Variants in STK11 observed in about 807,000 individuals in gnomAD.
STK11 encodes serine/threonine kinase 11.
In STK11, 8 loss-of-function variants were observed where a neutral mutation model predicts 47.3. That is an observed-to-expected ratio of 0.17 (90% CI 0.10 to 0.31). STK11 has a LOEUF of 0.31. STK11 is among the 10% of genes least tolerant of loss of function. The pLI is 1.00. For synonymous variants in STK11, 330 were observed against 255.8 expected (o/e 1.29, Z -2.77); for missense variants, 475 against 605.0 (o/e 0.79, Z 2.25).
rs1471473295 is a variant in STK11 at position 1,227,925 on chromosome 19, C to G, written c.*349C>G. On this transcript the variant is annotated 3_prime_UTR_variant, in exon 10 of 10. Transcript: ENST00000326873. ...TCGTGCTCCGCAGGGCGCCCAGCGC[C>G]GTCCGGCGGCCCCGCCGCAGACCAG... 2.4e-5 allele frequency: 26 copies of G among 1,070,182 alleles called. No homozygotes were observed. The highest frequency in any genetic ancestry group is 2.9e-5 in the Non-Finnish European group (26 of 882,234). 66.3% of individuals were successfully genotyped at this position (1,070,182 alleles called of 1,614,324 possible).
At chr19:1,207,233 G>T in intron 1 of STK11, 30 bp downstream of exon 1, 1 of 1,571,532 alleles carries the variant, frequency 6.4e-7, no homozygotes, top group Non-Finnish European at 8.6e-7. Context: ...GTCGGGGCCG[G>T]GCCGGGCCAG....
In STK11 at chr19:1,228,012, C is replaced by T. The variant is rs1184267854; in HGVS notation, c.*436C>T. 9.4e-7 allele frequency: 1 copy of T among 1,067,526 alleles called. No individual in the cohort carries two copies. The allele number at this position is 1,067,526 out of a possible 1,614,324, so 66.1% of individuals were successfully genotyped here. A position where few individuals can be genotyped will look rare whatever the true frequency, so the allele number is the denominator to read the frequency against. On this transcript the variant is annotated 3_prime_UTR_variant, in exon 10 of 10. Transcript: ENST00000326873. ...TGCATGCAGCGCCACCTGGAAGCCG[C>T]GCGGCCGCTTTGGTTTTTTGTTTGG...
intron 1 of STK11, among the ~76,000 whole-genome samples, chr19:1,216,590 A>T (rs1228776279): frequency 6.6e-6 from 1 of 151,516 alleles, no homozygotes; most frequent in African/African-American, 2.4e-5. Flanking sequence ...AAAAAAAAAA[A>T]AACAAGAAAT....
intron 1 of STK11, among the ~76,000 whole-genome samples, chr19:1,215,829 C>T (rs753554031): frequency 3.9e-5 from 6 of 152,030 alleles, no homozygotes; most frequent in Non-Finnish European, 5.9e-5. Flanking sequence ...CTCCGCCTCC[C>T]AGGTTCAAGC....
At position 1,206,853 on chromosome 19, in the gene STK11, G is replaced by T. The variant is rs531706339; in HGVS notation, c.-61G>T. On this transcript the variant is annotated 5_prime_UTR_variant, in exon 1 of 10. Coordinates refer to ENST00000326873, the MANE Select transcript of STK11 (RefSeq NM_000455.5). ...TGGAGAAGGGAAGTCGGAACACAAGGAAGGACCGCTCACCCGCGGACTCAG... is the reference window on the plus strand; with the variant it reads ...TGGAGAAGGGAAGTCGGAACACAAGTAAGGACCGCTCACCCGCGGACTCAG... 1 of 1,516,016 alleles carries T rather than the reference G, an allele frequency of 6.6e-7. No homozygotes were observed. Among genetic ancestry groups the T allele is most frequent in the Non-Finnish European group, 8.9e-7 (1 of 1,124,184 alleles). The allele number at this position is 1,516,016 out of a possible 1,614,324, so 93.9% of individuals were successfully genotyped here. A position where few individuals can be genotyped will look rare whatever the true frequency, so the allele number is the denominator to read the frequency against.
intron 1 of STK11, among the ~76,000 whole-genome samples, chr19:1,216,741 G>A (rs1038282885): frequency 2.0e-5 from 3 of 151,432 alleles, no homozygotes; most frequent in Non-Finnish European, 4.4e-5. Flanking sequence ...GGTAGCACAC[G>A]TCTGTAGTCC....
chr19:1,218,136 C>T (rs2145419971), intron 1 of STK11, among the ~76,000 whole-genome samples: 1 of 151,910 alleles, frequency 6.6e-6, no homozygotes, highest in Non-Finnish European at 1.5e-5. Context: ...GAGCAAGACT[C>T]TGTCTCAGAA....
intron 8 of STK11, chr19:1,224,125 G>A: frequency 3.0e-6 from 3 of 990,192 alleles, no homozygotes; most frequent in Non-Finnish European, 3.6e-6. Flanking sequence ...CCTAGGCTCA[G>A]CTCAGTAGCT....
At chr19:1,207,309 A>T in intron 1 of STK11, 106 bp downstream of exon 1, 2 of 1,421,082 alleles carry the variant, frequency 1.4e-6, no homozygotes. Context: ...TCCTCTTAAC[A>T]CCCTGAGCTG....
In STK11 at chr19:1,220,522, G is replaced by T. The variant is rs759464040; in HGVS notation, c.597+17G>T. 6.3e-7 allele frequency: 1 copy of T among 1,591,318 alleles called. No individual in the cohort carries two copies. The highest frequency in any genetic ancestry group is 8.6e-7 in the Non-Finnish European group (1 of 1,168,366). On this transcript the variant is annotated intron_variant, in intron 4 of 9. Transcript: ENST00000326873. ...GTGGCCGAGGTAGGCACGTGCTAGGGGGGGCCCTGGGGCGCCCCCTCCCGG... is the reference window on the plus strand; with the variant it reads ...GTGGCCGAGGTAGGCACGTGCTAGGTGGGGCCCTGGGGCGCCCCCTCCCGG...
intron 1 of STK11, among the ~76,000 whole-genome samples, chr19:1,217,325 G>A (rs957989660): frequency 2.6e-5 from 4 of 152,084 alleles, no homozygotes; most frequent in Admixed American, 6.6e-5. Context: ...TGAGCCTCCC[G>A]AGTAGCTAGG....
chr19:1,219,352 G>T lies in STK11; in HGVS notation c.403G>T (p.Gly135Cys), dbSNP rs137853081. 6.3e-7 allele frequency: 1 copy of T among 1,596,170 alleles called. No homozygotes were observed. The highest frequency in any genetic ancestry group is 8.5e-7 in the Non-Finnish European group (1 of 1,172,128). The change falls in exon 3 of 10, where the codon GGC (glycine) becomes TGC (cysteine). Residue 135 changes from glycine (G) to cysteine (C), a missense_variant. Coordinates refer to ENST00000326873, the MANE Select transcript of STK11 (RefSeq NM_000455.5). ...TATGGTGATGGAGTACTGCGTGTGT[G>T]GCATGCAGGAAATGCTGGACAGCGT... is the stretch of plus-strand genomic sequence containing the variant. ...MYMVMEYCVC[G>C]MQEMLDSVPE...
At chr19:1,227,528 G>A (rs1214325952) in intron 9 of STK11, 65 bp from the exon 10 acceptor site, 1 of 1,061,434 alleles carries the variant, frequency 9.4e-7, no homozygotes, top group Non-Finnish European at 1.1e-6. Context: ...ATCCTCCCAG[G>A]GGCCCGCGGG....
At position 1,206,560 on chromosome 19, in the gene STK11, A is replaced by C; in HGVS notation, c.-354A>C. Reference sequence around the variant, plus strand: ...CCCGGAGGATGACCTAGCACTGAAAAGCCCCGGCCGGCCTCCCCAGGGTCC... The same window carrying C: ...CCCGGAGGATGACCTAGCACTGAAACGCCCCGGCCGGCCTCCCCAGGGTCC... On this transcript the variant is annotated 5_prime_UTR_variant, in exon 1 of 10. Coordinates refer to ENST00000326873, the MANE Select transcript of STK11 (RefSeq NM_000455.5). 2.6e-6 allele frequency: 1 copy of C among 389,664 alleles called. No individual in the cohort carries two copies. The highest frequency in any genetic ancestry group is 4.7e-6 in the Non-Finnish European group (1 of 214,282). The allele number at this position is 389,664 out of a possible 1,614,324, so 24.1% of individuals were successfully genotyped here. A position where few individuals can be genotyped will look rare whatever the true frequency, so the allele number is the denominator to read the frequency against.
At chr19:1,223,819 C>G in intron 8 of STK11, 2 of 1,031,808 alleles carry the variant, frequency 1.9e-6, no homozygotes, top group Non-Finnish European at 2.3e-6. Context: ...GCCATGCTCC[C>G]GGCTTGGCTG....
intron 3 of STK11, among the ~76,000 whole-genome samples, chr19:1,219,659 C>T (rs2080768957): frequency 6.6e-6 from 1 of 152,158 alleles, no homozygotes; most frequent in Non-Finnish European, 1.5e-5. Flanking sequence ...CATTCTTCTG[C>T]CTCAGCTTCC....
Position 1,227,585 on chromosome 19 carries a change from C to T in STK11, c.*17-8C>T, listed in dbSNP as rs554370182. The T allele has an allele frequency of 1.4e-5, 15 of 1,064,440 alleles. No homozygotes were observed. The Admixed American group carries it at 3.7e-4, about 27-fold the overall frequency. 65.9% of individuals were successfully genotyped at this position (1,064,440 alleles called of 1,614,324 possible). A position where few individuals can be genotyped will look rare whatever the true frequency, so the allele number is the denominator to read the frequency against. The stretch of plus-strand genomic sequence containing the variant: ...GCTGACCTCTTCCGTCTTCCTTCCA[C>T]CCTGCAGCCCGTGTCCAGGAGCCCC... On this transcript the variant is annotated splice_region_variant and splice_polypyrimidine_tract_variant and intron_variant, in intron 9 of 9. Coordinates refer to ENST00000326873, the MANE Select transcript of STK11 (RefSeq NM_000455.5).
chr19:1,226,082 T>C, intron 8 of STK11: 1 of 1,082,146 alleles, frequency 9.2e-7, no homozygotes, highest in Non-Finnish European at 1.1e-6. Flanking sequence ...CCTGGGCCTC[T>C]AGAACCAACC....
intron 1 of STK11, among the ~76,000 whole-genome samples, chr19:1,211,808 C>G (rs1397447457): frequency 2.0e-5 from 3 of 152,250 alleles, no homozygotes; most frequent in Non-Finnish European, 2.9e-5. Flanking sequence ...CTCAGTGTGC[C>G]TGGTTGCGGC....
Sources: allele counts gnomAD v4.1 joint callset (sites outside exome capture counted in the v4.1 genomes callset), GRCh38; gene constraint gnomAD v4.1.1; transcripts MANE v1.5; gene names NCBI Gene and HGNC (gene_info 2026-07-23, HGNC 2026-07-21).